TNR: variants seen among roughly 807,000 people sequenced by gnomAD.
TNR encodes the protein tenascin R.
A neutral mutation model predicts 150.4 loss-of-function variants in TNR; 45 were observed. The observed-to-expected ratio is 0.30, with a 90% CI of 0.24 to 0.38. TNR has a LOEUF of 0.38. Among genes scored for constraint, TNR ranks in the 10% least tolerant of loss-of-function variants. The pLI, the probability that TNR is intolerant of heterozygous loss-of-function variation, is 1.00. For missense variants in TNR, 1,544 were observed against 1,759.1 expected (o/e 0.88, Z 2.19); for synonymous variants, 687 against 678.4 (o/e 1.01, Z -0.20).
chr1:175,663,144 T>A (rs930745297), intron 1 of TNR, among the ~76,000 whole-genome samples: 1 of 152,154 alleles, frequency 6.6e-6, no homozygotes, highest in Non-Finnish European at 1.5e-5. Context: ...ACCATTAGAA[T>A]CCAGGAGCCA....
At chr1:175,639,253 T>C (rs1179622035) in intron 1 of TNR, among the ~76,000 whole-genome samples, 2 of 152,328 alleles carry the variant, frequency 1.3e-5, no homozygotes, top group African/African-American at 2.4e-5. Context: ...GCAAAACTTC[T>C]TGTCTGAGCA....
intron 2 of TNR, among the ~76,000 whole-genome samples, chr1:175,491,852 T>C (rs1333411734): frequency 6.6e-6 from 1 of 151,990 alleles, no homozygotes; most frequent in Non-Finnish European, 1.5e-5. Flanking sequence ...GGTTTCACTG[T>C]GTTAGCCAGG....
At chr1:175,708,140 T>C (rs781253150) in intron 1 of TNR, among the ~76,000 whole-genome samples, 1 of 152,086 alleles carries the variant, frequency 6.6e-6, no homozygotes, top group Non-Finnish European at 1.5e-5. Flanking sequence ...TTACTTGCCA[T>C]TTACAGAGAG....
chr1:175,419,347 C>T (rs548638702), intron 2 of TNR, among the ~76,000 whole-genome samples: 21 of 152,274 alleles, frequency 1.4e-4, no homozygotes, highest in Middle Eastern at 6.8e-3. Context: ...GCCTTTCTGA[C>T]AGCGTAAGAA....
chr1:175,673,800 A>T (rs1253286686), intron 1 of TNR, among the ~76,000 whole-genome samples: 2 of 152,284 alleles, frequency 1.3e-5, no homozygotes, highest in African/African-American at 4.8e-5. Flanking sequence ...TTGGCATGCC[A>T]ATCATAATAA....
intron 2 of TNR, among the ~76,000 whole-genome samples, chr1:175,447,046 TTTGC>T (rs1439994902): frequency 1.3e-5 from 2 of 152,228 alleles, no homozygotes; most frequent in African/African-American, 4.8e-5. Context: ...TGCATGTGTG[TTTGC>T]GTGTATGTGC....
chr1:175,656,771 C>T (rs192675834), intron 1 of TNR, among the ~76,000 whole-genome samples: 20 of 151,970 alleles, frequency 1.3e-4, no homozygotes, highest in Admixed American at 9.8e-4. Flanking sequence ...TGAGGTTGTA[C>T]GTGGCTGTGT....
chr1:175,667,834 C>G (rs487574), intron 1 of TNR, among the ~76,000 whole-genome samples: 83,760 of 152,044 alleles, frequency 0.55, 24,369 homozygotes, highest in African/African-American at 0.74. Flanking sequence ...AAAGGATCTG[C>G]TTGCCCCAGC....
chr1:175,459,117 C>T (rs1055590484), intron 2 of TNR, among the ~76,000 whole-genome samples: 3 of 151,902 alleles, frequency 2.0e-5, no homozygotes, highest in African/African-American at 7.3e-5. Flanking sequence ...ATTACCATCA[C>T]CATCCCTTCT....
chr1:175,563,490 C>A (rs1661511595), intron 1 of TNR, among the ~76,000 whole-genome samples: 1 of 152,170 alleles, frequency 6.6e-6, no homozygotes, highest in Admixed American at 6.5e-5. Context: ...CAGTTACTAG[C>A]CTTGAGAACA....
intron 1 of TNR, among the ~76,000 whole-genome samples, chr1:175,650,811 G>GC (rs1664946654): frequency 0.033 from 26 of 790 alleles, no homozygotes; most frequent in South Asian, 0.12. Flanking sequence ...ATTACTACCT[G>GC]TCCCCCACCT....
At chr1:175,361,203 A>C (rs1174208118) in intron 14 of TNR, among the ~76,000 whole-genome samples, 1 of 152,192 alleles carries the variant, frequency 6.6e-6, no homozygotes, top group Non-Finnish European at 1.5e-5. Flanking sequence ...CTGAGACTAC[A>C]GGTGCATGCA....
intron 1 of TNR, among the ~76,000 whole-genome samples, chr1:175,547,601 GAAA>G (rs1557999394): frequency 1.3e-4 from 3 of 22,234 alleles, no homozygotes; most frequent in African/African-American, 2.8e-4. Context: ...AAGAAAGAAA[GAAA>G]GAAAGAAACA....
At chr1:175,334,062 C>T (rs1320038639) in intron 20 of TNR, among the ~76,000 whole-genome samples, 2 of 152,222 alleles carry the variant, frequency 1.3e-5, no homozygotes, top group African/African-American at 4.8e-5. Context: ...AGGCATTGGG[C>T]CTTCTCCTGG....
At chr1:175,323,520 G>A (rs751945602) in intron 22 of TNR, 44 bp from the exon 23 acceptor site, 3 of 1,600,498 alleles carry the variant, frequency 1.9e-6, no homozygotes, top group Non-Finnish European at 1.7e-6. Context: ...CCCCCACCAT[G>A]GAACGCCCCA....
chr1:175,437,626 G>C (rs931873932), intron 2 of TNR, among the ~76,000 whole-genome samples: 8 of 152,042 alleles, frequency 5.3e-5, no homozygotes, highest in African/African-American at 1.9e-4. Context: ...TTGATAGACC[G>C]CTAGCAAGAC....
At chr1:175,482,163 GT>G (rs1240080451) in intron 2 of TNR, among the ~76,000 whole-genome samples, 1 of 152,238 alleles carries the variant, frequency 6.6e-6, no homozygotes, top group African/African-American at 2.4e-5. Context: ...CTTGATAAAT[GT>G]TTGTTGAATG....
intron 1 of TNR, among the ~76,000 whole-genome samples, chr1:175,718,600 T>C (rs1485523461): frequency 6.6e-6 from 1 of 152,194 alleles, no homozygotes. Context: ...ACAGAGACTT[T>C]TATCTCCCCT....
chr1:175,723,935 A>G (rs1406410807), intron 1 of TNR, among the ~76,000 whole-genome samples: 1 of 152,164 alleles, frequency 6.6e-6, no homozygotes, highest in African/African-American at 2.4e-5. Context: ...AAATTTATAT[A>G]TAAAGTATAT....
Sources: gnomAD v4.1 joint callset for allele counts (sites outside exome capture counted in the v4.1 genomes callset) on GRCh38, gnomAD v4.1.1 for gene constraint, MANE v1.5 for transcripts, NCBI Gene and HGNC (gene_info 2026-07-23, HGNC 2026-07-21) for gene names.